Variants in TMEM132D observed in about 807,000 individuals in gnomAD.
TMEM132D encodes the protein transmembrane protein 132D, also known as mature OL transmembrane protein.
A neutral mutation model predicts 62.3 loss-of-function variants in TMEM132D; 21 were observed. The observed-to-expected ratio is 0.34, with a 90% CI of 0.24 to 0.49. TMEM132D has a LOEUF of 0.49. TMEM132D is among the 20% of genes least tolerant of loss of function. The pLI is 0.99. For missense variants in TMEM132D, 1,346 were observed against 1,402.8 expected (o/e 0.96, Z 0.65); for synonymous variants, 621 against 575.6 (o/e 1.08, Z -1.13).
At chr12:129,631,660 C>G (rs375262189) in intron 2 of TMEM132D, among the ~76,000 whole-genome samples, 3 of 152,108 alleles carry the variant, frequency 2.0e-5, no homozygotes, top group Admixed American at 6.6e-5. Context: ...TCTGATAAAC[C>G]CTTAGCTGGG....
chr12:129,896,238 T>C (rs535305966), intron 1 of TMEM132D, among the ~76,000 whole-genome samples: 1 of 152,148 alleles, frequency 6.6e-6, no homozygotes, highest in East Asian at 1.9e-4. Context: ...TCCTCCCACC[T>C]GGGCCCCCCA....
intron 1 of TMEM132D, among the ~76,000 whole-genome samples, chr12:129,878,895 C>T (rs1009396029): frequency 6.6e-6 from 1 of 152,252 alleles, no homozygotes; most frequent in Admixed American, 6.5e-5. Flanking sequence ...GAAGCACCTG[C>T]AGGATACACC....
intron 2 of TMEM132D, among the ~76,000 whole-genome samples, chr12:129,551,617 T>C (rs1876901502): frequency 6.6e-6 from 1 of 152,214 alleles, no homozygotes; most frequent in African/African-American, 2.4e-5. Context: ...CAGTTGGGGC[T>C]GCCACCTTTA....
intron 2 of TMEM132D, among the ~76,000 whole-genome samples, chr12:129,598,530 C>T (rs926614737): frequency 3.3e-5 from 5 of 151,864 alleles, no homozygotes; most frequent in African/African-American, 1.2e-4. Flanking sequence ...AAGTCTTTAC[C>T]GGCAATAGTG....
intron 5 of TMEM132D, among the ~76,000 whole-genome samples, chr12:129,196,554 A>T (rs1878557879): frequency 1.3e-5 from 2 of 152,248 alleles, no homozygotes; most frequent in South Asian, 2.1e-4. Context: ...CAGTAAAATG[A>T]TGTGGTGTAT....
At chr12:129,899,195 G>T (rs898181856) in intron 1 of TMEM132D, among the ~76,000 whole-genome samples, 1 of 133,500 alleles carries the variant, frequency 7.5e-6, no homozygotes, top group Non-Finnish European at 1.6e-5. Flanking sequence ...ATGGAATGAT[G>T]AATGAATGGA....
intron 1 of TMEM132D, among the ~76,000 whole-genome samples, chr12:129,864,544 T>C (rs1047650033): frequency 8.5e-5 from 13 of 152,206 alleles, no homozygotes; most frequent in African/African-American, 3.1e-4. Context: ...AACCTGAAGT[T>C]TGGAGGATGT....
chr12:129,116,808 A>T (rs1425529825), intron 5 of TMEM132D, among the ~76,000 whole-genome samples: 1 of 151,392 alleles, frequency 6.6e-6, no homozygotes, highest in East Asian at 1.9e-4. Flanking sequence ...CAAAGTGTAC[A>T]GCCACTTTGG....
chr12:129,497,671 T>G (rs1257574800), intron 3 of TMEM132D, among the ~76,000 whole-genome samples: 2 of 152,156 alleles, frequency 1.3e-5, no homozygotes, highest in African/African-American at 2.4e-5. Context: ...TGATTTTGTT[T>G]TTTTTTTTTA....
intron 3 of TMEM132D, among the ~76,000 whole-genome samples, chr12:129,406,331 C>G (rs1008564465): frequency 1.3e-5 from 2 of 152,110 alleles, no homozygotes; most frequent in African/African-American, 4.8e-5. Flanking sequence ...TAGATAGGAA[C>G]ACACGTGGGC....
intron 1 of TMEM132D, among the ~76,000 whole-genome samples, chr12:129,716,373 G>C (rs897709179): frequency 6.6e-6 from 1 of 152,186 alleles, no homozygotes; most frequent in African/African-American, 2.4e-5. Flanking sequence ...CCTGTGAAAA[G>C]GGCTTCAGAA....
intron 3 of TMEM132D, among the ~76,000 whole-genome samples, chr12:129,360,774 CA>C (rs1221220248): frequency 3.3e-5 from 5 of 152,158 alleles, no homozygotes; most frequent in African/African-American, 9.7e-5. Context: ...ACATGGCTGC[CA>C]TCCTCTTAGC....
At chr12:129,788,508 T>C (rs1429703122) in intron 1 of TMEM132D, among the ~76,000 whole-genome samples, 2 of 152,224 alleles carry the variant, frequency 1.3e-5, no homozygotes, top group Non-Finnish European at 2.9e-5. Context: ...TATAGAGATA[T>C]AGCTATAAAT....
intron 4 of TMEM132D, among the ~76,000 whole-genome samples, chr12:129,319,588 G>A (rs1868613851): frequency 6.6e-6 from 1 of 152,194 alleles, no homozygotes; most frequent in African/African-American, 2.4e-5. Flanking sequence ...CCACAAGGAA[G>A]GATGAGATCA....
At chr12:129,333,903 C>G (rs1283757362) in intron 4 of TMEM132D, among the ~76,000 whole-genome samples, 1 of 152,124 alleles carries the variant, frequency 6.6e-6, no homozygotes, top group South Asian at 2.1e-4. Context: ...GGTGGATCAT[C>G]TTAGGTCAGG....
At chr12:129,297,012 A>G (rs1881595793) in intron 4 of TMEM132D, among the ~76,000 whole-genome samples, 1 of 152,202 alleles carries the variant, frequency 6.6e-6, no homozygotes, top group Non-Finnish European at 1.5e-5. Context: ...GCAGGGTGCT[A>G]ATTCCTCTCT....
intron 5 of TMEM132D, among the ~76,000 whole-genome samples, chr12:129,179,745 C>T (rs570334589): frequency 9.9e-5 from 15 of 152,128 alleles, no homozygotes; most frequent in African/African-American, 2.9e-4. Flanking sequence ...AAAGTGACAC[C>T]GGCCGGGCCC....
At chr12:129,473,099 G>A (rs78346294) in intron 3 of TMEM132D, among the ~76,000 whole-genome samples, 9 of 151,818 alleles carry the variant, frequency 5.9e-5, no homozygotes, top group Non-Finnish European at 1.2e-4. Flanking sequence ...TCCTGACCTC[G>A]TGATCCACCT....
rs1183950780 is a variant in TMEM132D at position 129,681,044 on chromosome 12, C to A, written c.968+18766G>T. 2.6e-5 allele frequency among the ~76,000 whole-genome samples: 4 copies of A among 152,274 alleles called. No individual in the cohort carries two copies. The South Asian group carries it at 6.2e-4, about 24-fold the overall frequency. On this transcript the variant is annotated intron_variant, in intron 2 of 8. Coordinates refer to ENST00000422113, the MANE Select transcript of TMEM132D (RefSeq NM_133448.3). ...GACCAAATGTAATCAAAAGCCAGAG[C>A]TGGGTGATGTAGAGAACCTGTGAAA... is the stretch of plus-strand genomic sequence containing the variant.
Sources: gnomAD v4.1 joint callset for allele counts (sites outside exome capture counted in the v4.1 genomes callset) on GRCh38, gnomAD v4.1.1 for gene constraint, MANE v1.5 for transcripts, NCBI Gene and HGNC (gene_info 2026-07-23, HGNC 2026-07-21) for gene names.